FBXW10B: variants seen among roughly 807,000 people sequenced by gnomAD.
FBXW10B encodes F-box and WD repeat domain containing protein 10B.
At chr17:15,619,318 A>G in the FBXW10B span, 19 of 1,613,814 alleles carry the variant, frequency 1.2e-5, no homozygotes, top group Non-Finnish European at 1.4e-5. Flanking sequence ...AATATAAGCT[A>G]TTTAACTGCT....
chr17:15,613,612 T>C, the FBXW10B span: 4 of 1,558,160 alleles, frequency 2.6e-6, no homozygotes, highest in Non-Finnish European at 3.5e-6. Flanking sequence ...TTGCAGGAAG[T>C]ACCTGCAAGA....
chr17:15,576,371 A>C, the FBXW10B span, among the ~76,000 whole-genome samples: 6 of 152,212 alleles, frequency 3.9e-5, no homozygotes, highest in Admixed American at 3.9e-4. Context: ...AAAGTTTTAT[A>C]ATCTGGGTGA....
chr17:15,584,331 A>G, the FBXW10B span, among the ~76,000 whole-genome samples: 2 of 152,216 alleles, frequency 1.3e-5, no homozygotes, highest in African/African-American at 2.4e-5. Flanking sequence ...ATTAAGATAT[A>G]TTGAAATAAA....
the FBXW10B span, among the ~76,000 whole-genome samples, chr17:15,600,600 T>C: frequency 4.6e-5 from 7 of 151,614 alleles, no homozygotes; most frequent in South Asian, 2.1e-4. Context: ...GCAGGTATTA[T>C]GCTCAGTGGA....
At chr17:15,576,513 G>A in the FBXW10B span, among the ~76,000 whole-genome samples, 5 of 152,206 alleles carry the variant, frequency 3.3e-5, no homozygotes, top group South Asian at 2.1e-4. Flanking sequence ...AGGACAGAGT[G>A]GACAGTGAAA....
At chr17:15,600,926 T>C in the FBXW10B span, among the ~76,000 whole-genome samples, 31,527 of 146,818 alleles carry the variant, frequency 0.21, 3,709 homozygotes, top group East Asian at 0.36. Context: ...TGGCACATGC[T>C]TGTAGTCCCA....
the FBXW10B span, chr17:15,619,428 A>G: frequency 6.2e-7 from 1 of 1,613,810 alleles, no homozygotes; most frequent in African/African-American, 1.3e-5. Flanking sequence ...CGCGTCTCAC[A>G]CTTCCGGCAT....
the FBXW10B span, among the ~76,000 whole-genome samples, chr17:15,592,241 C>T: frequency 6.7e-6 from 1 of 150,034 alleles, no homozygotes; most frequent in Non-Finnish European, 1.5e-5. Flanking sequence ...TCCGTTCACT[C>T]AAGCCGAAAG....
At chr17:15,605,246 G>A in the FBXW10B span, 68 of 1,594,390 alleles carry the variant, frequency 4.3e-5, 1 homozygote, top group African/African-American at 6.9e-4. Context: ...CATAGCTCCC[G>A]CTTAGGAGAA....
chr17:15,610,195 A>G, the FBXW10B span, among the ~76,000 whole-genome samples: 5 of 152,134 alleles, frequency 3.3e-5, 1 homozygote, highest in South Asian at 1.0e-3. Flanking sequence ...AGAATTAAAG[A>G]AAGAGGAGAG....
chr17:15,611,302 G>A, the FBXW10B span, among the ~76,000 whole-genome samples: 4 of 152,180 alleles, frequency 2.6e-5, no homozygotes, highest in East Asian at 1.9e-4. Context: ...GATTACAGGC[G>A]TGAGCCGCTG....
the FBXW10B span, chr17:15,619,510 C>G: frequency 6.2e-7 from 1 of 1,612,146 alleles, no homozygotes; most frequent in Non-Finnish European, 8.5e-7. Flanking sequence ...CCAGGTTTTC[C>G]ATGATCCTAA....
the FBXW10B span, among the ~76,000 whole-genome samples, chr17:15,600,215 CA>C: frequency 0.25 from 29,868 of 120,800 alleles, 3,112 homozygotes; most frequent in East Asian, 0.39. Context: ...GACTCTGTCT[CA>C]AAAAAAAAAA....
the FBXW10B span, among the ~76,000 whole-genome samples, chr17:15,601,169 G>A: frequency 6.6e-6 from 1 of 150,836 alleles, no homozygotes; most frequent in African/African-American, 2.4e-5. Context: ...CAGCACTTTG[G>A]GAGGCCGAGG....
the FBXW10B span, among the ~76,000 whole-genome samples, chr17:15,584,975 T>C: frequency 4.0e-5 from 6 of 148,702 alleles, no homozygotes; most frequent in Non-Finnish European, 6.0e-5. Flanking sequence ...CTTCTTTTTT[T>C]TTTTTTTTTT....
At chr17:15,615,321 C>CTTTTTGTTTT in the FBXW10B span, among the ~76,000 whole-genome samples, 1 of 88,732 alleles carries the variant, frequency 1.1e-5, no homozygotes, top group African/African-American at 5.7e-5. Context: ...TATTGGCTTT[C>CTTTTTGTTTT]TTTTTTTTTT....
chr17:15,567,460 T>G, the FBXW10B span, among the ~76,000 whole-genome samples: 1 of 152,184 alleles, frequency 6.6e-6, no homozygotes, highest in African/African-American at 2.4e-5. Flanking sequence ...ATACAGATCC[T>G]CATCATACAA....
At chr17:15,611,025 T>C in the FBXW10B span, among the ~76,000 whole-genome samples, 7 of 104,634 alleles carry the variant, frequency 6.7e-5, no homozygotes, top group African/African-American at 3.1e-4. Context: ...TGTGTTTTCT[T>C]TTTTTTTTTT....
the FBXW10B span, among the ~76,000 whole-genome samples, chr17:15,609,852 C>CTTTTTTTTTTTTTTTTTTTTTTT: frequency 2.9e-5 from 3 of 103,182 alleles, no homozygotes; most frequent in Non-Finnish European, 3.7e-5. Context: ...TTCTTTCTTT[C>CTTTTTTTTTTTTTTTTTTTTTTT]TTTTTTTTTT....
Sources: allele counts gnomAD v4.1 joint callset (sites outside exome capture counted in the v4.1 genomes callset), GRCh38; gene constraint gnomAD v4.1.1; transcripts MANE v1.5; gene names NCBI Gene and HGNC (gene_info 2026-07-23, HGNC 2026-07-21).